CPA6: variants seen among roughly 807,000 people sequenced by gnomAD.
CPA6 encodes the protein carboxypeptidase B.
Under a neutral mutation model 63.3 loss-of-function variants are expected in CPA6, and 58 were observed. The ratio of observed to expected loss-of-function variants is 0.92; its 90% CI spans 0.74 to 1.14. The LOEUF (loss-of-function observed/expected upper bound fraction) is 1.14, where lower values mean the gene tolerates loss of function less well. Among genes scored for constraint, CPA6 ranks in the 50% most tolerant of loss-of-function variants. CPA6 has a pLI of 0.00. For synonymous variants in CPA6, 185 were observed against 179.0 expected, an observed-to-expected ratio of 1.03 and a Z score of -0.27; for missense variants, 565 against 526.6, an observed-to-expected ratio of 1.07 and a Z score of -0.71.
intron 2 of CPA6, among the ~76,000 whole-genome samples, chr8:67,617,573 TA>T (rs1324828631): frequency 6.6e-6 from 1 of 152,218 alleles, no homozygotes; most frequent in African/African-American, 2.4e-5. Flanking sequence ...GTATCATTCA[TA>T]ATGCTCCTGT....
chr8:67,539,802 T>C (rs529938850), intron 2 of CPA6, among the ~76,000 whole-genome samples: 1 of 152,252 alleles, frequency 6.6e-6, no homozygotes, highest in African/African-American at 2.4e-5. Context: ...CTATTGATAG[T>C]TTTGCATGCT....
At chr8:67,731,270 A>T (rs1052404416) in intron 1 of CPA6, among the ~76,000 whole-genome samples, 12 of 152,256 alleles carry the variant, frequency 7.9e-5, no homozygotes, top group African/African-American at 2.9e-4. Flanking sequence ...ACACAAAAAA[A>T]GAGGCCAAGA....
chr8:67,483,815 C>T lies in CPA6; in HGVS notation c.791G>A (p.Arg264His), dbSNP rs752555064. 119 of 1,614,052 alleles carry T rather than the reference C, an allele frequency of 7.4e-5. 1 individual carries two copies. The highest frequency in any genetic ancestry group is 1.6e-4 in the Middle Eastern group (1 of 6,084). ...RKTRSRNSRF[R>H]CRGVDANRNW... is the part of the protein sequence containing the mutation. ...TCTATTGGCATCCACTCCACGGCAG[C>T]GAAACCTTGAGTTCCTTGACCTTGT... The change falls in exon 8 of 11, where the codon CGC becomes CAC. Residue 264 changes from arginine (R) to histidine (H), a missense_variant. Physicochemically the swap from Arg to His is conservative, Grantham distance 29. Transcript: ENST00000297770.
At chr8:67,666,648 C>T (rs535394479) in intron 1 of CPA6, among the ~76,000 whole-genome samples, 4 of 152,084 alleles carry the variant, frequency 2.6e-5, no homozygotes, top group African/African-American at 7.2e-5. Context: ...AGGTGCCTGG[C>T]GATCAGGGTC....
chr8:67,432,808 T>C (rs1050411823), intron 9 of CPA6, among the ~76,000 whole-genome samples: 5 of 152,220 alleles, frequency 3.3e-5, no homozygotes, highest in African/African-American at 9.7e-5. Flanking sequence ...CAAAGCTCTT[T>C]CCTGAGCTCT....
At chr8:67,519,511 T>C (rs1182182398) in intron 2 of CPA6, among the ~76,000 whole-genome samples, 3 of 152,240 alleles carry the variant, frequency 2.0e-5, no homozygotes, top group Non-Finnish European at 4.4e-5. Flanking sequence ...AAAAATACTT[T>C]GTGACTCAGG....
chr8:67,743,699 T>C (rs529926982), intron 1 of CPA6, among the ~76,000 whole-genome samples: 5 of 152,114 alleles, frequency 3.3e-5, no homozygotes, highest in Non-Finnish European at 7.4e-5. Flanking sequence ...CTTGGCACTA[T>C]CCAATTGTTA....
chr8:67,578,617 AT>A (rs201923661), intron 2 of CPA6, among the ~76,000 whole-genome samples: 86 of 129,914 alleles, frequency 6.6e-4, no homozygotes, highest in African/African-American at 2.3e-3. Context: ...TGTGCTCCTT[AT>A]GGGTCCCTGT....
At chr8:67,680,390 C>T (rs537912250) in intron 1 of CPA6, among the ~76,000 whole-genome samples, 12 of 151,174 alleles carry the variant, frequency 7.9e-5, no homozygotes, top group African/African-American at 1.2e-4. Context: ...GTAGTCCTAG[C>T]TATTTAGGAG....
At chr8:67,484,501 T>C (rs1293212989) in intron 7 of CPA6, among the ~76,000 whole-genome samples, 178 bp downstream of exon 7, 1 of 152,118 alleles carries the variant, frequency 6.6e-6, no homozygotes, top group Non-Finnish European at 1.5e-5. Context: ...AATCTAGATG[T>C]GAAAATGAAA....
rs2128989925 is a variant in CPA6, at chr8:67,640,916, C to T, written c.117-16665G>A. On this transcript the variant is annotated intron_variant, in intron 1 of 10. Transcript: ENST00000297770. Reference sequence around the variant, plus strand: ...GTGCCTTCAGCAGGGTGCTCATGGACTCCTGGGATGCGGCAGGGAGTGAGG... The same window carrying T: ...GTGCCTTCAGCAGGGTGCTCATGGATTCCTGGGATGCGGCAGGGAGTGAGG... Among the ~76,000 whole-genome samples, 3 of 151,828 alleles carry T rather than the reference C, an allele frequency of 2.0e-5. No homozygotes were observed. The East Asian group carries it at 5.8e-4, about 29-fold the overall frequency.
chr8:67,627,684 A>G (rs387671), intron 1 of CPA6, among the ~76,000 whole-genome samples: 42,069 of 152,030 alleles, frequency 0.28, 5,995 homozygotes, highest in African/African-American at 0.34. Flanking sequence ...AGGAAGCAGG[A>G]CATCCCAGAT....
intron 2 of CPA6, among the ~76,000 whole-genome samples, chr8:67,603,017 G>A (rs1329860313): frequency 1.3e-5 from 2 of 152,074 alleles, no homozygotes; most frequent in African/African-American, 4.8e-5. Flanking sequence ...AAAAGCCAAT[G>A]GTCTCATTAT....
At chr8:67,702,733 A>G (rs1472369791) in intron 1 of CPA6, among the ~76,000 whole-genome samples, 4 of 152,210 alleles carry the variant, frequency 2.6e-5, no homozygotes, top group African/African-American at 9.6e-5. Flanking sequence ...CACACTGCGC[A>G]TACGGCCCCT....
chr8:67,690,773 A>G (rs933228281), intron 1 of CPA6, among the ~76,000 whole-genome samples: 2 of 152,242 alleles, frequency 1.3e-5, no homozygotes, highest in East Asian at 1.9e-4. Context: ...TTCAACTTCA[A>G]TACATATTTA....
intron 2 of CPA6, among the ~76,000 whole-genome samples, chr8:67,606,114 T>C (rs1285024078): frequency 7.1e-6 from 1 of 141,320 alleles, no homozygotes; most frequent in African/African-American, 2.7e-5. Flanking sequence ...TTCTCACTCA[T>C]AGGTGGGAAT....
intron 1 of CPA6, among the ~76,000 whole-genome samples, chr8:67,633,637 C>G (rs1012258510): frequency 6.7e-6 from 1 of 148,428 alleles, no homozygotes; most frequent in South Asian, 2.1e-4. Flanking sequence ...GCAGAGATCG[C>G]GCCACTGCAC....
intron 1 of CPA6, among the ~76,000 whole-genome samples, chr8:67,665,153 T>C (rs1198262482): frequency 2.6e-5 from 4 of 152,304 alleles, no homozygotes; most frequent in Non-Finnish European, 2.9e-5. Flanking sequence ...CTCTACAAGA[T>C]TTCTATTTCT....
intron 1 of CPA6, among the ~76,000 whole-genome samples, chr8:67,659,242 A>C (rs16933497): frequency 6.6e-6 from 1 of 152,172 alleles, no homozygotes; most frequent in Admixed American, 6.5e-5. Flanking sequence ...AAGCAGATAC[A>C]TAATAGAGTT....
Sources: gnomAD v4.1 joint callset for allele counts (sites outside exome capture counted in the v4.1 genomes callset) on GRCh38, gnomAD v4.1.1 for gene constraint, MANE v1.5 for transcripts, NCBI Gene and HGNC (gene_info 2026-07-23, HGNC 2026-07-21) for gene names.